Variants in GALNT13 observed in about 807,000 individuals in gnomAD.
GALNT13 encodes UDP-GalNAc:polypeptide N-acetylgalactosaminyltransferase 13.
GALNT13 carries 28 observed loss-of-function variants against 64.2 expected under a neutral mutation model. The ratio of observed to expected loss-of-function variants is 0.44; its 90% confidence interval spans 0.32 to 0.60. The LOEUF (loss-of-function observed/expected upper bound fraction) is 0.60, where lower values mean the gene tolerates loss of function less well. Ranked by LOEUF, GALNT13 falls within the 20% of genes least tolerant of loss-of-function variation. The pLI is 0.05. For missense variants in GALNT13, 577 were observed against 669.8 expected (o/e 0.86, Z 1.53); for synonymous variants, 214 against 224.6 (o/e 0.95, Z 0.42).
chr2:154,433,595 G>A (rs1301042729), intron 11 of GALNT13, among the ~76,000 whole-genome samples: 1 of 152,106 alleles, frequency 6.6e-6, no homozygotes, highest in Non-Finnish European at 1.5e-5. Context: ...AACAGAAAAA[G>A]CCTTTGCCTC....
chr2:154,002,522 T>C (rs1695981204), intron 3 of GALNT13, among the ~76,000 whole-genome samples: 2 of 152,046 alleles, frequency 1.3e-5, no homozygotes, highest in African/African-American at 2.4e-5. Context: ...TTTTGTCAAA[T>C]TTCTGCTTTT....
chr2:153,566,742 A>C, the GALNT13 span, among the ~76,000 whole-genome samples: 1 of 152,200 alleles, frequency 6.6e-6, no homozygotes, highest in Non-Finnish European at 1.5e-5. Flanking sequence ...TAGGATTTGA[A>C]ACTGTGCCCT....
the GALNT13 span, among the ~76,000 whole-genome samples, chr2:153,214,494 A>T: frequency 6.6e-6 from 1 of 152,172 alleles, no homozygotes; most frequent in South Asian, 2.1e-4. Context: ...AAGTGCTGTG[A>T]AAAACAGATT....
the GALNT13 span, among the ~76,000 whole-genome samples, chr2:153,093,931 C>T: frequency 6.6e-6 from 1 of 151,994 alleles, no homozygotes; most frequent in African/African-American, 2.4e-5. Context: ...AGGAATTTGT[C>T]CTTTTCTTCT....
chr2:153,596,068 G>A, the GALNT13 span, among the ~76,000 whole-genome samples: 2 of 152,296 alleles, frequency 1.3e-5, no homozygotes, highest in African/African-American at 2.4e-5. Context: ...CATTTAAGAT[G>A]GCTTACTCAC....
the GALNT13 span, among the ~76,000 whole-genome samples, chr2:153,133,035 ATTTTT>A: frequency 7.7e-6 from 1 of 129,396 alleles, no homozygotes; most frequent in African/African-American, 2.9e-5. Flanking sequence ...AACTGTGTTA[ATTTTT>A]TTTTTTTTTT....
chr2:154,428,460 T>C (rs1272612717), intron 11 of GALNT13, among the ~76,000 whole-genome samples: 6 of 152,308 alleles, frequency 3.9e-5, no homozygotes, highest in Non-Finnish European at 7.4e-5. Context: ...GCACCAAATA[T>C]ACATGTAGAC....
At chr2:153,985,522 T>C (rs920420228) in intron 3 of GALNT13, among the ~76,000 whole-genome samples, 63 of 152,010 alleles carry the variant, frequency 4.1e-4, no homozygotes, top group Admixed American at 2.0e-4. Context: ...TGGATTTTCA[T>C]ATCATTTGTT....
intron 8 of GALNT13, among the ~76,000 whole-genome samples, chr2:154,284,550 C>CACACACACAT (rs1271083683): frequency 1.3e-5 from 2 of 150,764 alleles, no homozygotes; most frequent in African/African-American, 2.4e-5. Flanking sequence ...CACACACACA[C>CACACACACAT]ATATATATGT....
chr2:153,400,858 G>T, the GALNT13 span, among the ~76,000 whole-genome samples: 1 of 151,540 alleles, frequency 6.6e-6, no homozygotes, highest in Non-Finnish European at 1.5e-5. Flanking sequence ...CAATTTTGTT[G>T]ATCCTTTCAA....
At chr2:154,309,454 C>T (rs1693915392) in intron 9 of GALNT13, among the ~76,000 whole-genome samples, 1 of 152,184 alleles carries the variant, frequency 6.6e-6, no homozygotes, top group Non-Finnish European at 1.5e-5. Flanking sequence ...CACAATTCTG[C>T]AGGCTGGGAA....
At chr2:153,310,158 T>C in the GALNT13 span, among the ~76,000 whole-genome samples, 8 of 152,192 alleles carry the variant, frequency 5.3e-5, no homozygotes, top group African/African-American at 1.9e-4. Context: ...TTACCAGGGA[T>C]TAATTTTTTG....
chr2:154,368,538 C>T (rs934869825), intron 9 of GALNT13, among the ~76,000 whole-genome samples: 1 of 152,146 alleles, frequency 6.6e-6, no homozygotes, highest in Non-Finnish European at 1.5e-5. Flanking sequence ...TTCAGAGGAA[C>T]TGTGCACAGG....
At chr2:153,996,279 T>G (rs1695518053) in intron 3 of GALNT13, among the ~76,000 whole-genome samples, 1 of 152,182 alleles carries the variant, frequency 6.6e-6, no homozygotes, top group East Asian at 1.9e-4. Context: ...GATGTACTAT[T>G]TTATATTCTA....
At chr2:153,914,483 C>CA (rs762980653) in intron 2 of GALNT13, among the ~76,000 whole-genome samples, 51,740 of 116,492 alleles carry the variant, frequency 0.44, 12,431 homozygotes, top group East Asian at 0.66. Context: ...GTCTCCGTCT[C>CA]AAAAAAAAAA....
At chr2:154,212,581 C>A (rs1296870315) in intron 4 of GALNT13, among the ~76,000 whole-genome samples, 1 of 151,944 alleles carries the variant, frequency 6.6e-6, no homozygotes, top group African/African-American at 2.4e-5. Context: ...ACCTTTCTCT[C>A]TCTTCCTCTT....
chr2:154,378,064 C>G lies in GALNT13; in HGVS notation c.1157-17927C>G, dbSNP rs762652075. On this transcript the variant is annotated intron_variant, in intron 9 of 12. Transcript: ENST00000392825. ...CCTTGTCCTTATGGAGTGCCCCCAACCTCATATACGCTGCTCAGATTTCAG... is the reference window on the plus strand; with the variant it reads ...CCTTGTCCTTATGGAGTGCCCCCAAGCTCATATACGCTGCTCAGATTTCAG... 8.1e-4 allele frequency among the ~76,000 whole-genome samples: 123 copies of G among 152,074 alleles called. 1 individual carries two copies. The highest frequency in any genetic ancestry group is 4.6e-4 in the Non-Finnish European group (31 of 68,002).
chr2:153,583,267 T>C, the GALNT13 span, among the ~76,000 whole-genome samples: 7 of 152,208 alleles, frequency 4.6e-5, no homozygotes, highest in Middle Eastern at 3.2e-3. Flanking sequence ...TGTTTCAACA[T>C]GTGTGCTAAG....
At chr2:153,254,530 T>C in the GALNT13 span, among the ~76,000 whole-genome samples, 13 of 152,198 alleles carry the variant, frequency 8.5e-5, no homozygotes, top group African/African-American at 3.1e-4. Context: ...ATGTTTGCCC[T>C]TGCTTTTCTA....
Sources: gnomAD v4.1 joint callset for allele counts (sites outside exome capture counted in the v4.1 genomes callset) on GRCh38, gnomAD v4.1.1 for gene constraint, MANE v1.5 for transcripts, NCBI Gene and HGNC (gene_info 2026-07-23, HGNC 2026-07-21) for gene names.